PDE7B: variants seen among roughly 807,000 people sequenced by gnomAD.
The protein encoded by PDE7B is phosphodiesterase 7B, also known as 3',5'-cyclic-AMP phosphodiesterase 7B.
A neutral mutation model predicts 56.2 loss-of-function variants in PDE7B; 29 were observed. The observed-to-expected ratio is 0.52, with a 90% confidence interval of 0.38 to 0.70. The LOEUF is 0.70. PDE7B is among the 30% of genes least tolerant of loss of function. The pLI, the probability that PDE7B is intolerant of heterozygous loss-of-function variation, is 0.00. For synonymous variants in PDE7B, 197 were observed against 196.9 expected (o/e 1.00, Z 0.00); for missense variants, 490 against 565.0 (o/e 0.87, Z 1.35).
chr6:136,173,140 T>C (rs1409034390), intron 8 of PDE7B, among the ~76,000 whole-genome samples: 1 of 152,142 alleles, frequency 6.6e-6, no homozygotes, highest in South Asian at 2.1e-4. Flanking sequence ...CTTCACAGAA[T>C]TGGAAAAAAC....
chr6:136,158,755 G>A (rs1778654410), intron 8 of PDE7B, among the ~76,000 whole-genome samples: 1 of 152,140 alleles, frequency 6.6e-6, no homozygotes, highest in East Asian at 1.9e-4. Flanking sequence ...TCTCTCATCA[G>A]ACTGGAAGCA....
chr6:135,899,819 A>G (rs1337625554), intron 1 of PDE7B, among the ~76,000 whole-genome samples: 2 of 152,166 alleles, frequency 1.3e-5, no homozygotes, highest in African/African-American at 4.8e-5. Context: ...TTTCAAAGTC[A>G]TTGCACATAT....
intron 8 of PDE7B, among the ~76,000 whole-genome samples, chr6:136,171,580 T>C (rs2128449862): frequency 6.6e-6 from 1 of 152,298 alleles, no homozygotes; most frequent in South Asian, 2.1e-4. Flanking sequence ...TAATCTTGGA[T>C]TATGTTATGA....
intron 2 of PDE7B, among the ~76,000 whole-genome samples, chr6:136,017,728 C>G (rs531844573): frequency 1.3e-5 from 2 of 152,160 alleles, no homozygotes; most frequent in South Asian, 4.2e-4. Context: ...TGAAGTTACA[C>G]CAAAGATGGG....
chr6:136,167,629 T>C (rs1270781970), intron 8 of PDE7B, among the ~76,000 whole-genome samples: 1 of 152,332 alleles, frequency 6.6e-6, no homozygotes, highest in East Asian at 1.9e-4. Flanking sequence ...ATCAGTAGCA[T>C]GAAAACGGAC....
intron 8 of PDE7B, among the ~76,000 whole-genome samples, chr6:136,161,564 C>T (rs1285473913): frequency 6.6e-6 from 1 of 152,142 alleles, no homozygotes; most frequent in African/African-American, 2.4e-5. Flanking sequence ...TTTCTTGAGT[C>T]CTTTACCTAA....
chr6:136,185,663 G>A (rs943081438), intron 11 of PDE7B, among the ~76,000 whole-genome samples: 2 of 152,106 alleles, frequency 1.3e-5, no homozygotes, highest in African/African-American at 2.4e-5. Context: ...TACTCAGGAG[G>A]CTGAAGCAGG....
intron 2 of PDE7B, among the ~76,000 whole-genome samples, chr6:136,010,171 C>T (rs1775866900): frequency 1.3e-5 from 2 of 152,086 alleles, no homozygotes; most frequent in South Asian, 4.2e-4. Context: ...CTTACTTATC[C>T]AAAAGTCATT....
intron 2 of PDE7B, among the ~76,000 whole-genome samples, chr6:136,086,742 A>G (rs1027224810): frequency 1.3e-5 from 2 of 152,222 alleles, no homozygotes; most frequent in Non-Finnish European, 2.9e-5. Context: ...TGATGCAGAC[A>G]TTTTACTCAG....
chr6:135,914,945 T>A (rs981204093), intron 1 of PDE7B, among the ~76,000 whole-genome samples: 1 of 151,690 alleles, frequency 6.6e-6, no homozygotes, highest in African/African-American at 2.4e-5. Context: ...GTACAACAAT[T>A]AGCCAGGTGT....
rs115689416 is a variant in PDE7B, at chr6:135,854,860, A to G, written c.21+2841A>G. ...AGAAACCCAAATCAACTGAATACCT[A>G]TTATGTACCAGGCATTGTTAGAAAT... On this transcript the variant is annotated intron_variant, in intron 1 of 12. Coordinates refer to ENST00000308191, the MANE Select transcript of PDE7B (RefSeq NM_018945.4). Among the ~76,000 whole-genome samples the G allele has an allele frequency of 3.3e-3, 510 of 152,364 alleles. 4 individuals are homozygous for G. Among genetic ancestry groups the G allele is most frequent in the African/African-American group, 0.011 (468 of 41,598 alleles).
chr6:136,003,358 GA>G (rs1361607256), intron 2 of PDE7B, among the ~76,000 whole-genome samples: 11 of 151,836 alleles, frequency 7.2e-5, no homozygotes, highest in Non-Finnish European at 1.6e-4. Context: ...AATCAGAGCA[GA>G]ACTGAAGGAA....
intron 3 of PDE7B, among the ~76,000 whole-genome samples, chr6:136,143,979 A>G (rs1484001591): frequency 6.6e-6 from 1 of 151,978 alleles, no homozygotes; most frequent in Non-Finnish European, 1.5e-5. Context: ...GCTACATAAG[A>G]CATTTTCTTT....
intron 1 of PDE7B, among the ~76,000 whole-genome samples, chr6:135,895,993 C>T (rs1775895356): frequency 6.6e-6 from 1 of 152,094 alleles, no homozygotes. Flanking sequence ...TGAATGGTGT[C>T]TTGAGAATGC....
intron 2 of PDE7B, among the ~76,000 whole-genome samples, chr6:136,068,054 T>C (rs1406894442): frequency 2.0e-5 from 3 of 152,226 alleles, no homozygotes; most frequent in Admixed American, 6.5e-5. Context: ...TGTTAGCTGC[T>C]GTCGACGAAA....
At chr6:136,169,624 A>T (rs1399609848) in intron 8 of PDE7B, among the ~76,000 whole-genome samples, 1 of 152,134 alleles carries the variant, frequency 6.6e-6, no homozygotes, top group African/African-American at 2.4e-5. Context: ...AACTCATGGG[A>T]GGGCACTCAT....
chr6:136,135,240 T>C (rs1440586571), intron 3 of PDE7B, among the ~76,000 whole-genome samples: 1 of 152,114 alleles, frequency 6.6e-6, no homozygotes, highest in African/African-American at 2.4e-5. Flanking sequence ...CAACTTCAAA[T>C]TAAATTTTAA....
At chr6:136,148,379 AAAAG>A (rs1778452038) in intron 4 of PDE7B, among the ~76,000 whole-genome samples, 1 of 147,798 alleles carries the variant, frequency 6.8e-6, no homozygotes, top group Non-Finnish European at 1.5e-5. Flanking sequence ...GAAAGAAAAG[AAAAG>A]AAAGAAGGAA....
chr6:135,998,168 A>G (rs1018700812), intron 2 of PDE7B, among the ~76,000 whole-genome samples: 2 of 152,176 alleles, frequency 1.3e-5, no homozygotes, highest in Admixed American at 1.3e-4. Flanking sequence ...TGGAGGAGAA[A>G]AAGAGAGATT....
Sources: gnomAD v4.1 joint callset for allele counts (sites outside exome capture counted in the v4.1 genomes callset) on GRCh38, gnomAD v4.1.1 for gene constraint, MANE v1.5 for transcripts, NCBI Gene and HGNC (gene_info 2026-07-23, HGNC 2026-07-21) for gene names.